TMEM117: variants seen among roughly 807,000 people sequenced by gnomAD.
TMEM117 encodes the protein transmembrane protein 117.
TMEM117 carries 27 observed loss-of-function variants against 52.4 expected under a neutral mutation model. The ratio of observed to expected loss-of-function variants is 0.51; its 90% CI spans 0.38 to 0.71. The LOEUF is 0.71. TMEM117 is among the 30% of genes least tolerant of loss of function. TMEM117 has a pLI of 0.00. For synonymous variants in TMEM117, 215 were observed against 206.3 expected, an observed-to-expected ratio of 1.04 and a Z score of -0.36; for missense variants, 556 against 630.5, an observed-to-expected ratio of 0.88 and a Z score of 1.26.
At chr12:44,045,472 T>G (rs1158552614) in intron 3 of TMEM117, among the ~76,000 whole-genome samples, 2 of 152,226 alleles carry the variant, frequency 1.3e-5, no homozygotes, top group Admixed American at 6.5e-5. Context: ...ATCCGTGGAC[T>G]CACGGAATGC....
chr12:44,202,436 T>C (rs187639225), intron 4 of TMEM117, among the ~76,000 whole-genome samples: 1 of 152,246 alleles, frequency 6.6e-6, no homozygotes, highest in East Asian at 1.9e-4. Context: ...ATCCAGTAAA[T>C]GGATCGTATT....
intron 2 of TMEM117, among the ~76,000 whole-genome samples, chr12:43,894,922 T>G (rs1944172654): frequency 6.6e-6 from 1 of 152,200 alleles, no homozygotes; most frequent in Non-Finnish European, 1.5e-5. Context: ...ACTAACTCAG[T>G]TGAACACATA....
At chr12:44,346,283 A>C (rs1453981729) in intron 6 of TMEM117, among the ~76,000 whole-genome samples, 1 of 152,102 alleles carries the variant, frequency 6.6e-6, no homozygotes, top group Non-Finnish European at 1.5e-5. Context: ...AGTGTTCTAC[A>C]AAGTTGGATT....
chr12:44,239,487 AT>A (rs1363493222), intron 5 of TMEM117, among the ~76,000 whole-genome samples: 11 of 152,132 alleles, frequency 7.2e-5, no homozygotes, highest in Admixed American at 3.9e-4. Context: ...CAGCACAGAA[AT>A]TGTTATTTTT....
intron 3 of TMEM117, among the ~76,000 whole-genome samples, chr12:43,997,335 T>C (rs1946047913): frequency 6.6e-6 from 1 of 152,180 alleles, no homozygotes; most frequent in Non-Finnish European, 1.5e-5. Context: ...TGTTTTAGTT[T>C]TGTTTCCATT....
chr12:43,863,256 A>G (rs181296195), intron 2 of TMEM117, among the ~76,000 whole-genome samples: 41 of 107,238 alleles, frequency 3.8e-4, no homozygotes, highest in African/African-American at 1.1e-3. Flanking sequence ...AAAAACAGCA[A>G]CAACAACAAA....
chr12:44,029,297 T>C (rs1215362645), intron 3 of TMEM117, among the ~76,000 whole-genome samples: 1 of 152,166 alleles, frequency 6.6e-6, no homozygotes, highest in African/African-American at 2.4e-5. Flanking sequence ...AAGAATAGGT[T>C]TGGCACTATG....
At chr12:44,118,349 G>C (rs1948179777) in intron 3 of TMEM117, among the ~76,000 whole-genome samples, 1 of 152,248 alleles carries the variant, frequency 6.6e-6, no homozygotes, top group African/African-American at 2.4e-5. Context: ...GTTAACTGTG[G>C]TTTAGAAGAG....
intron 4 of TMEM117, among the ~76,000 whole-genome samples, chr12:44,166,754 C>T (rs925672048): frequency 6.6e-6 from 1 of 152,194 alleles, no homozygotes; most frequent in African/African-American, 2.4e-5. Context: ...GCAAAATCTT[C>T]TTCCTCTGTG....
intron 5 of TMEM117, among the ~76,000 whole-genome samples, chr12:44,290,983 A>C (rs936333072): frequency 6.6e-6 from 1 of 152,106 alleles, no homozygotes; most frequent in Non-Finnish European, 1.5e-5. Flanking sequence ...AACATCTTCT[A>C]TAGTTTTATA....
In TMEM117 at chr12:44,367,284, G is replaced by A. The variant is rs568347077; in HGVS notation, c.769-9311G>A. Among the ~76,000 whole-genome samples the A allele has an allele frequency of 1.2e-4, 18 of 151,742 alleles. No individual in the cohort carries two copies. The South Asian group carries it at 1.9e-3, about 16-fold the overall frequency. On this transcript the variant is annotated intron_variant, in intron 6 of 7. Transcript: ENST00000266534. ...TAATCAGGCCTTTGTCCCCAATGTC[G>A]GCTTCCTCAGGAGCTCAAAGGTCTT...
chr12:43,891,367 A>ATTTGTTTTTTTTTTTTTT (rs1944100362), intron 2 of TMEM117, among the ~76,000 whole-genome samples: 1 of 57,804 alleles, frequency 1.7e-5, no homozygotes, highest in Non-Finnish European at 3.1e-5. Flanking sequence ...TACCTCTTGA[A>ATTTGTTTTTTTTTTTTTT]TTTTTTTTTT....
At chr12:43,798,644 AAAAGCCC>A in the TMEM117 span, 1 of 1,446,730 alleles carries the variant, frequency 6.9e-7, no homozygotes, top group Admixed American at 2.5e-5. Context: ...AAATCACATA[AAAAGCCC>A]TACTCAAATA....
At chr12:44,198,027 A>G (rs1949443971) in intron 4 of TMEM117, among the ~76,000 whole-genome samples, 1 of 152,230 alleles carries the variant, frequency 6.6e-6, no homozygotes, top group Non-Finnish European at 1.5e-5. Context: ...TATTCAAGGC[A>G]TCACTAGGTG....
intron 6 of TMEM117, among the ~76,000 whole-genome samples, chr12:44,325,995 C>G (rs1483902271): frequency 1.3e-5 from 2 of 152,100 alleles, no homozygotes; most frequent in Non-Finnish European, 2.9e-5. Flanking sequence ...AACCCCATCT[C>G]TACCAAAAAA....
chr12:43,799,602 A>C, the TMEM117 span: 1 of 557,926 alleles, frequency 1.8e-6, no homozygotes, highest in African/African-American at 1.9e-5. Context: ...AAAGATTTTA[A>C]ATGAAAATAA....
intron 3 of TMEM117, among the ~76,000 whole-genome samples, chr12:43,977,960 G>A (rs10880608): frequency 0.71 from 108,629 of 152,140 alleles, 43,830 homozygotes; most frequent in Non-Finnish European, 0.88. Context: ...CTGAATTCAG[G>A]GACATATGTA....
At chr12:44,310,596 C>T (rs1950961699) in intron 6 of TMEM117, among the ~76,000 whole-genome samples, 1 of 152,212 alleles carries the variant, frequency 6.6e-6, no homozygotes, top group Non-Finnish European at 1.5e-5. Context: ...TGAGATTGCA[C>T]CATTGCACTC....
intron 3 of TMEM117, among the ~76,000 whole-genome samples, chr12:44,014,499 A>G (rs1304447569): frequency 3.9e-5 from 6 of 152,196 alleles, no homozygotes; most frequent in Admixed American, 1.3e-4. Context: ...TTCCCAGGTG[A>G]TGCTGATGCT....
Sources: gnomAD v4.1 joint callset for allele counts (sites outside exome capture counted in the v4.1 genomes callset) on GRCh38, gnomAD v4.1.1 for gene constraint, MANE v1.5 for transcripts, NCBI Gene and HGNC (gene_info 2026-07-23, HGNC 2026-07-21) for gene names.